The following FHIT variants were observed in gnomAD, a reference collection of about 807,000 sequenced individuals.
FHIT encodes fragile histidine triad diadenosine triphosphatase, also known as bis(5'-adenosyl)-triphosphatase.
A neutral mutation model predicts 17.9 loss-of-function variants in FHIT; 19 were observed. The ratio of observed to expected loss-of-function variants is 1.06; its 90% CI spans 0.74 to 1.56. FHIT has a LOEUF of 1.56. Ranked by LOEUF, FHIT falls within the 40% of genes most tolerant of loss-of-function variation. The pLI is 0.00. For synonymous variants in FHIT, 81 were observed against 69.7 expected (o/e 1.16, Z -0.81); for missense variants, 248 against 189.2 (o/e 1.31, Z -1.82).
chr3:60,491,961 A>AT (rs2034085681), intron 5 of FHIT, among the ~76,000 whole-genome samples: 1 of 152,188 alleles, frequency 6.6e-6, no homozygotes, highest in African/African-American at 2.4e-5. Flanking sequence ...CTTCCATTTC[A>AT]TTTCAAATAA....
chr3:60,042,072 C>T (rs947240011), intron 5 of FHIT, among the ~76,000 whole-genome samples: 8 of 152,258 alleles, frequency 5.3e-5, no homozygotes, highest in East Asian at 3.9e-4. Context: ...CCTTTTGTGC[C>T]GGCCTACTTA....
intron 2 of FHIT, among the ~76,000 whole-genome samples, chr3:61,193,840 T>C (rs890058897): frequency 6.6e-6 from 1 of 152,246 alleles, no homozygotes; most frequent in East Asian, 1.9e-4. Flanking sequence ...AACATTCCTA[T>C]AACAAAAGAC....
At chr3:60,038,622 G>A (rs544822227) in intron 5 of FHIT, among the ~76,000 whole-genome samples, 9 of 152,210 alleles carry the variant, frequency 5.9e-5, no homozygotes, top group Middle Eastern at 3.4e-3. Context: ...AATGCTGCTC[G>A]AACTATTCCT....
At chr3:60,759,626 G>C (rs1370363670) in intron 4 of FHIT, among the ~76,000 whole-genome samples, 1 of 152,124 alleles carries the variant, frequency 6.6e-6, no homozygotes, top group Admixed American at 6.5e-5. Flanking sequence ...AAACCAAGAG[G>C]GTGTGGTGTC....
intron 5 of FHIT, among the ~76,000 whole-genome samples, chr3:60,263,164 A>G (rs1347585286): frequency 6.6e-6 from 1 of 151,998 alleles, no homozygotes; most frequent in East Asian, 1.9e-4. Context: ...ACACAGCTAA[A>G]TAGAATGGCT....
At chr3:60,542,898 G>T (rs1385640319) in intron 4 of FHIT, among the ~76,000 whole-genome samples, 1 of 151,788 alleles carries the variant, frequency 6.6e-6, no homozygotes, top group African/African-American at 2.4e-5. Flanking sequence ...TTAACATTTA[G>T]GTATTTATTC....
At chr3:61,088,160 T>C (rs2035363805) in intron 2 of FHIT, among the ~76,000 whole-genome samples, 1 of 152,176 alleles carries the variant, frequency 6.6e-6, no homozygotes, top group Admixed American at 6.5e-5. Context: ...CATTATGGTC[T>C]CAGCTGCTGG....
intron 4 of FHIT, among the ~76,000 whole-genome samples, chr3:60,703,099 A>C (rs1319874779): frequency 6.6e-6 from 1 of 152,152 alleles, no homozygotes; most frequent in Non-Finnish European, 1.5e-5. Flanking sequence ...CTACCCAATG[A>C]CTGTTGCCCT....
At chr3:60,851,936 G>A (rs1703171828) in intron 3 of FHIT, among the ~76,000 whole-genome samples, 1 of 152,120 alleles carries the variant, frequency 6.6e-6, no homozygotes, top group South Asian at 2.1e-4. Flanking sequence ...TTCTATAAGT[G>A]TCACGATGAT....
intron 3 of FHIT, among the ~76,000 whole-genome samples, chr3:60,988,459 G>A (rs1263179735): frequency 6.6e-6 from 1 of 152,100 alleles, no homozygotes; most frequent in African/African-American, 2.4e-5. Flanking sequence ...CATAATCACA[G>A]GACAGAATAA....
At chr3:60,196,694 C>T (rs1432555872) in intron 5 of FHIT, among the ~76,000 whole-genome samples, 2 of 151,940 alleles carry the variant, frequency 1.3e-5, no homozygotes, top group Non-Finnish European at 2.9e-5. Context: ...TACATACATA[C>T]ATATAAACAT....
At chr3:60,063,917 T>C (rs1471351072) in intron 5 of FHIT, among the ~76,000 whole-genome samples, 1 of 152,320 alleles carries the variant, frequency 6.6e-6, no homozygotes, top group East Asian at 1.9e-4. Flanking sequence ...ATGAGGTAGG[T>C]CTGCTCTTCA....
intron 5 of FHIT, among the ~76,000 whole-genome samples, chr3:60,034,176 G>A (rs1701115911): frequency 6.6e-6 from 1 of 152,224 alleles, no homozygotes; most frequent in Non-Finnish European, 1.5e-5. Context: ...ACTTGGTGAG[G>A]ATGCTGCAGA....
At chr3:61,027,811 G>A (rs892118802) in intron 3 of FHIT, among the ~76,000 whole-genome samples, 1 of 152,104 alleles carries the variant, frequency 6.6e-6, no homozygotes, top group African/African-American at 2.4e-5. Context: ...TGGCTATCCA[G>A]GATTTACAAT....
Position 59,770,591 on chromosome 3 carries a change from C to T in FHIT, c.349-18270G>A, listed in dbSNP as rs545303866. On this transcript the variant is annotated intron_variant, in intron 8 of 9. Transcript: ENST00000492590. ...CCCTTAGAGCCCTCAGGAGGAACAG[C>T]TCTGCTGACACCTTCACCTCGGGCT... is the stretch of plus-strand genomic sequence containing the variant. Among the ~76,000 whole-genome samples the T allele has an allele frequency of 2.0e-5, 3 of 152,332 alleles. No homozygotes were observed. The South Asian group carries it at 6.2e-4, about 32-fold the overall frequency.
At chr3:59,950,243 T>C (rs1707046134) in intron 7 of FHIT, among the ~76,000 whole-genome samples, 1 of 152,208 alleles carries the variant, frequency 6.6e-6, no homozygotes, top group Admixed American at 6.5e-5. Context: ...TGCTGTGAGT[T>C]AAGAGGATTT....
chr3:60,909,560 T>C (rs1706621489), intron 3 of FHIT, among the ~76,000 whole-genome samples: 1 of 152,154 alleles, frequency 6.6e-6, no homozygotes, highest in African/African-American at 2.4e-5. Context: ...ACACTCCACA[T>C]CATTCTATTT....
At chr3:61,171,522 TAA>T (rs1560039141) in intron 2 of FHIT, among the ~76,000 whole-genome samples, 1 of 152,200 alleles carries the variant, frequency 6.6e-6, no homozygotes, top group Non-Finnish European at 1.5e-5. Context: ...ATCACACACC[TAA>T]ATCAAGGATT....
At chr3:59,990,672 GATAGAGCAAC>G (rs1247303199) in intron 7 of FHIT, among the ~76,000 whole-genome samples, 1 of 152,024 alleles carries the variant, frequency 6.6e-6, no homozygotes, top group Non-Finnish European at 1.5e-5. Flanking sequence ...GCCAAAAGTA[GATAGAGCAAC>G]ATGAGCAAAG....
Sources: allele counts gnomAD v4.1 joint callset (sites outside exome capture counted in the v4.1 genomes callset), GRCh38; gene constraint gnomAD v4.1.1; transcripts MANE v1.5; gene names NCBI Gene and HGNC (gene_info 2026-07-23, HGNC 2026-07-21).